Variants in TBC1D30 observed in about 807,000 individuals in gnomAD.
TBC1D30 encodes the protein TBC1 domain family, member 30.
In TBC1D30, 31 loss-of-function variants were observed where a neutral mutation model predicts 63.2. The observed-to-expected ratio is 0.49, with a 90% confidence interval of 0.37 to 0.66. The LOEUF (loss-of-function observed/expected upper bound fraction) is 0.66. TBC1D30 is among the 30% of genes least tolerant of loss of function. The probability of loss-of-function intolerance (pLI) is 0.00; values close to 1 mark genes in which losing one functional copy is unlikely to be tolerated. For missense variants in TBC1D30, 810 were observed against 953.6 expected (o/e 0.85, Z 1.98); for synonymous variants, 307 against 361.5 (o/e 0.85, Z 1.71).
chr12:64,859,192 A>T (rs1877572845), intron 8 of TBC1D30, among the ~76,000 whole-genome samples: 1 of 151,944 alleles, frequency 6.6e-6, no homozygotes, highest in South Asian at 2.1e-4. Flanking sequence ...TGTTTGAGAG[A>T]GCAGCATGTG....
At position 64,824,985 on chromosome 12, in the gene TBC1D30, A is replaced by G; in HGVS notation, c.106A>G (p.Ser36Gly). Residue 36 changes from serine to glycine, a missense_variant, in exon 1 of 12, where the codon AGC becomes GGC. Physicochemically the swap from Ser to Gly is moderately conservative, Grantham distance 56 (BLOSUM62 0). Coordinates refer to ENST00000539867, the MANE Select transcript of TBC1D30 (RefSeq NM_015279.2). ...CCTGAGCAATGTGCTCAAGAAGCGC[A>G]GCTGCATTTCCCGGACCGCGCCCCG... ...TILSNVLKKR[S>G]CISRTAPRLL... The G allele has an allele frequency of 6.5e-7, 1 of 1,534,642 alleles. No individual in the cohort carries two copies. Among genetic ancestry groups the G allele is most frequent in the Non-Finnish European group, 8.7e-7 (1 of 1,146,534 alleles).
intron 7 of TBC1D30, 50 bp from the exon 8 acceptor site, chr12:64,843,330 C>A: frequency 2.1e-6 from 3 of 1,461,938 alleles, no homozygotes; most frequent in Non-Finnish European, 2.8e-6. Flanking sequence ...TACTGTTACA[C>A]AGCATGGATG....
At chr12:64,869,209 T>C (rs927002336) in intron 10 of TBC1D30, among the ~76,000 whole-genome samples, 1 of 152,212 alleles carries the variant, frequency 6.6e-6, no homozygotes, top group African/African-American at 2.4e-5. Context: ...CTGTGTTCTC[T>C]TTGCCATCTG....
In TBC1D30 at chr12:64,782,999, C is replaced by T. The variant is rs553453463; in HGVS notation, c.478+1713C>T. 2.0e-4 allele frequency among the ~76,000 whole-genome samples: 31 copies of T among 152,104 alleles called. 1 individual carries two copies. Among genetic ancestry groups the T allele is most frequent in the Non-Finnish European group, 4.1e-4 (28 of 68,028 alleles). On this transcript the variant is annotated intron_variant, in intron 1 of 12. Transcript: ENST00000542120. ...TATCAGGTGATGATACAGCTGTCTG[C>T]GTAAAGAATGCTGCTTATCAGGTTA... is the stretch of plus-strand genomic sequence containing the variant.
In TBC1D30 at chr12:64,843,463, T is replaced by G. The variant is rs1438161427; in HGVS notation, c.1016T>G (p.Leu339Arg). Residue 339 changes from leucine to arginine, a missense_variant, in exon 8 of 12, where the codon CTG becomes CGG. Around this residue, in one of 4 missense-constraint regions of TBC1D30, gnomAD observed 83 missense variants for 121.5 expected, o/e 0.68. Transcript: ENST00000539867. ...CAGGAGATGCTAGAGAATGATCTTCTGCAAAGCCATGAACTCATGCAGGTG... is the reference window on the plus strand; with the variant it reads ...CAGGAGATGCTAGAGAATGATCTTCGGCAAAGCCATGAACTCATGCAGGTG... ...LTQEMLENDLLQSHELMQTVY... is the reference protein window; with the variant it reads ...LTQEMLENDLRQSHELMQTVY... 2.0e-6 allele frequency: 3 copies of G among 1,536,170 alleles called. No individual in the cohort carries two copies. Among genetic ancestry groups the G allele is most frequent in the Non-Finnish European group, 2.6e-6 (3 of 1,146,908 alleles).
chr12:64,845,480 G>A (rs1265008057), intron 8 of TBC1D30, among the ~76,000 whole-genome samples: 13 of 152,088 alleles, frequency 8.5e-5, no homozygotes, highest in South Asian at 6.2e-4. Flanking sequence ...TAATCCCAGC[G>A]CTTTGGGAGG....
In TBC1D30 at chr12:64,880,564, T is replaced by C. The variant is rs1879398186; in HGVS notation, c.*4776T>C. The C allele has an allele frequency of 1.3e-5, 2 of 152,348 alleles. No homozygotes were observed. Among genetic ancestry groups the C allele is most frequent in the South Asian group, 2.1e-4 (1 of 4,820 alleles). 9.4% of individuals were successfully genotyped at this position (152,348 alleles called of 1,614,324 possible). On this transcript the variant is annotated 3_prime_UTR_variant, in exon 12 of 12. Transcript: ENST00000539867. ...TCTTCTGATAAGGGCACTAACCTCA[T>C]CATGAGGGTCCCATCCTCCTGGTGT...
upstream of TBC1D30, among the ~76,000 whole-genome samples, chr12:64,775,844 G>A (rs149684220): frequency 2.2e-4 from 34 of 152,258 alleles, no homozygotes; most frequent in East Asian, 3.1e-3. Context: ...TCATTGCCAC[G>A]TGGCACTTAC....
intron 8 of TBC1D30, among the ~76,000 whole-genome samples, chr12:64,848,055 T>C (rs549668270): frequency 1.3e-5 from 2 of 152,080 alleles, no homozygotes; most frequent in East Asian, 3.9e-4. Context: ...TTATTATATC[T>C]GGGTGCTCCA....
chr12:64,880,942 T>C lies in TBC1D30; in HGVS notation c.*5154T>C, dbSNP rs1879425545. 1 of 152,222 alleles carries C rather than the reference T, an allele frequency of 6.6e-6. No individual in the cohort carries two copies. Among genetic ancestry groups the C allele is most frequent in the Non-Finnish European group, 1.5e-5 (1 of 68,036 alleles). 9.4% of individuals were successfully genotyped at this position (152,222 alleles called of 1,614,324 possible). On this transcript the variant is annotated 3_prime_UTR_variant, in exon 12 of 12. Coordinates refer to ENST00000539867, the MANE Select transcript of TBC1D30 (RefSeq NM_015279.2). Reference sequence around the variant, plus strand: ...GACCAACAGTTTTCTGGGAAGAAACTTCCTGATACCTCAGCCTAGGAATCT... The same window carrying C: ...GACCAACAGTTTTCTGGGAAGAAACCTCCTGATACCTCAGCCTAGGAATCT...
At chr12:64,796,579 A>G (rs1252172892) in intron 2 of TBC1D30, among the ~76,000 whole-genome samples, 1 of 152,206 alleles carries the variant, frequency 6.6e-6, no homozygotes, top group African/African-American at 2.4e-5. Flanking sequence ...TTTTGTTGGA[A>G]CTACCATGTA....
chr12:64,868,071 G>T, intron 10 of TBC1D30: 1 of 161,070 alleles, frequency 6.2e-6, no homozygotes, highest in South Asian at 1.8e-4. Context: ...TAATCTGAAG[G>T]GTCACAGGAA....
At chr12:64,762,247 A>C (rs1415473328) in intron 1 of TBC1D30, among the ~76,000 whole-genome samples, 1 of 152,222 alleles carries the variant, frequency 6.6e-6, no homozygotes, top group African/African-American at 2.4e-5. Flanking sequence ...GTGTGGTTAG[A>C]GCAGAGGGAG....
intron 7 of TBC1D30, among the ~76,000 whole-genome samples, chr12:64,839,999 T>A (rs1875712851): frequency 3.1e-5 from 2 of 64,436 alleles, no homozygotes; most frequent in Non-Finnish European, 2.6e-5. Context: ...AGCAAGACTC[T>A]GTCTCAAAAA....
intron 8 of TBC1D30, among the ~76,000 whole-genome samples, chr12:64,856,970 T>C (rs1877356922): frequency 6.6e-6 from 1 of 151,732 alleles, no homozygotes; most frequent in East Asian, 2.0e-4. Flanking sequence ...CTGTGAGACC[T>C]GGGAGTCACC....
intron 2 of TBC1D30, among the ~76,000 whole-genome samples, chr12:64,801,178 T>C (rs1434618544): frequency 6.6e-6 from 1 of 152,230 alleles, no homozygotes; most frequent in Non-Finnish European, 1.5e-5. Flanking sequence ...ACATAGATTT[T>C]CTGGAGGAGG....
At chr12:64,797,477 T>C (rs1872348493) in intron 2 of TBC1D30, among the ~76,000 whole-genome samples, 1 of 152,236 alleles carries the variant, frequency 6.6e-6, no homozygotes, top group Non-Finnish European at 1.5e-5. Context: ...CCAAGCCTGA[T>C]TAAACTCAAG....
At chr12:64,781,300 G>C in intron 1 of TBC1D30, 1 of 1,110,710 alleles carries the variant, frequency 9.0e-7, no homozygotes, top group Non-Finnish European at 1.1e-6. Flanking sequence ...AGGGCCGGGC[G>C]CAGCAGGGTC....
intron 8 of TBC1D30, among the ~76,000 whole-genome samples, chr12:64,850,169 T>G (rs1446639605): frequency 6.6e-6 from 1 of 152,234 alleles, no homozygotes; most frequent in African/African-American, 2.4e-5. Flanking sequence ...AAGGAGATTT[T>G]GGGCTGAGAT....
Sources: allele counts gnomAD v4.1 joint callset (sites outside exome capture counted in the v4.1 genomes callset), GRCh38; gene constraint gnomAD v4.1.1; regional missense constraint gnomAD v4.1.1; transcripts MANE v1.5; gene names NCBI Gene and HGNC (gene_info 2026-07-23, HGNC 2026-07-21).